The following PRELID2 variants were observed in gnomAD, a reference collection of about 807,000 sequenced individuals.
PRELID2 encodes PRELI domain containing 2, also known as PRELI domain-containing protein 2.
A neutral mutation model predicts 28.4 loss-of-function variants in PRELID2; 25 were observed. The ratio of observed to expected loss-of-function variants is 0.88; its 90% confidence interval spans 0.64 to 1.23. The LOEUF (loss-of-function observed/expected upper bound fraction) is 1.23. Among genes scored for constraint, PRELID2 ranks in the 50% most tolerant of loss-of-function variants. The pLI is 0.00. For missense variants in PRELID2, 201 were observed against 214.4 expected (o/e 0.94, Z 0.39); for synonymous variants, 76 against 71.6 (o/e 1.06, Z -0.31).
intron 1 of PRELID2, among the ~76,000 whole-genome samples, chr5:145,600,565 G>T (rs1753382197): frequency 6.6e-6 from 1 of 151,668 alleles, no homozygotes; most frequent in African/African-American, 2.4e-5. Context: ...GGAATAGAGT[G>T]ATCACTGCTC....
chr5:145,537,798 T>C (rs1193280953), intron 1 of PRELID2, among the ~76,000 whole-genome samples: 2 of 151,890 alleles, frequency 1.3e-5, no homozygotes, highest in Non-Finnish European at 2.9e-5. Context: ...TGTCTCTTAA[T>C]TCTGTTAATA....
At chr5:145,485,128 A>T (rs1752204464) in intron 1 of PRELID2, among the ~76,000 whole-genome samples, 1 of 152,224 alleles carries the variant, frequency 6.6e-6, no homozygotes, top group Non-Finnish European at 1.5e-5. Flanking sequence ...ACATGCTACA[A>T]GATAATAAAA....
chr5:145,681,647 A>T (rs1360547818), intron 1 of PRELID2, among the ~76,000 whole-genome samples: 1 of 152,170 alleles, frequency 6.6e-6, no homozygotes, highest in Non-Finnish European at 1.5e-5. Context: ...GCACACCATA[A>T]ACGGTAGCTA....
the PRELID2 span, among the ~76,000 whole-genome samples, chr5:145,388,245 A>G: frequency 6.6e-6 from 1 of 152,174 alleles, no homozygotes; most frequent in Non-Finnish European, 1.5e-5. Flanking sequence ...TTTAAAACAT[A>G]AAAGTCAAAA....
At chr5:145,265,610 T>C in the PRELID2 span, among the ~76,000 whole-genome samples, 1 of 152,122 alleles carries the variant, frequency 6.6e-6, no homozygotes, top group Non-Finnish European at 1.5e-5. Context: ...GGTATTGGTA[T>C]AAAAATAGGC....
chr5:145,605,619 T>C (rs1179165062), intron 1 of PRELID2, among the ~76,000 whole-genome samples: 2 of 152,138 alleles, frequency 1.3e-5, no homozygotes, highest in Non-Finnish European at 2.9e-5. Context: ...TGGCTCTAGC[T>C]TTGTTCTTTT....
chr5:145,414,437 C>T, the PRELID2 span, among the ~76,000 whole-genome samples: 23 of 152,258 alleles, frequency 1.5e-4, no homozygotes, highest in African/African-American at 4.3e-4. Context: ...GTAATAGAAC[C>T]CCTCAGAACG....
chr5:145,524,013 T>C (rs1054059639), intron 1 of PRELID2, among the ~76,000 whole-genome samples: 2 of 152,194 alleles, frequency 1.3e-5, no homozygotes, highest in Non-Finnish European at 2.9e-5. Context: ...AAATCTGTGC[T>C]GCTTCTCAAA....
the PRELID2 span, among the ~76,000 whole-genome samples, chr5:145,391,496 G>A: frequency 2.0e-5 from 3 of 152,170 alleles, no homozygotes; most frequent in African/African-American, 7.2e-5. Context: ...CAGAAGGATC[G>A]CATGGCCTGG....
the PRELID2 span, among the ~76,000 whole-genome samples, chr5:145,389,289 A>G: frequency 6.6e-6 from 1 of 152,126 alleles, no homozygotes; most frequent in East Asian, 1.9e-4. Flanking sequence ...TGGAAGAGAA[A>G]TACAAACAGA....
the PRELID2 span, among the ~76,000 whole-genome samples, chr5:145,320,361 CA>C: frequency 6.6e-6 from 1 of 151,802 alleles, no homozygotes; most frequent in South Asian, 2.1e-4. Flanking sequence ...AGCTCCGCCT[CA>C]CCGCTTCACG....
intron 1 of PRELID2, among the ~76,000 whole-genome samples, chr5:145,726,162 C>T (rs114108534): frequency 0.025 from 3,503 of 137,656 alleles, 131 homozygotes; most frequent in African/African-American, 0.088. Context: ...GAGCAAGACA[C>T]TATCTCAGAA....
chr5:145,580,303 C>T (rs1268106716), intron 1 of PRELID2, among the ~76,000 whole-genome samples: 1 of 152,008 alleles, frequency 6.6e-6, no homozygotes, highest in Non-Finnish European at 1.5e-5. Context: ...ACAGAAGCCA[C>T]CCCCTAATAT....
chr5:145,467,786 G>A (rs530859656), downstream of PRELID2, among the ~76,000 whole-genome samples: 3 of 150,980 alleles, frequency 2.0e-5, no homozygotes, highest in African/African-American at 7.3e-5. Context: ...TTGGCTTACA[G>A]GTGGTATCAA....
chr5:145,380,558 C>T, the PRELID2 span, among the ~76,000 whole-genome samples: 2 of 152,180 alleles, frequency 1.3e-5, no homozygotes, highest in African/African-American at 2.4e-5. Context: ...TAAATCAGCA[C>T]TTCTGATTTT....
chr5:145,483,644 A>G (rs1752186596), intron 1 of PRELID2, among the ~76,000 whole-genome samples: 1 of 152,222 alleles, frequency 6.6e-6, no homozygotes, highest in Non-Finnish European at 1.5e-5. Flanking sequence ...CCAACAAGTG[A>G]TAGAGCCAGG....
At chr5:145,694,424 A>G (rs1008861198) in intron 1 of PRELID2, among the ~76,000 whole-genome samples, 6 of 152,060 alleles carry the variant, frequency 3.9e-5, no homozygotes, top group African/African-American at 1.5e-4. Flanking sequence ...TGTTAATGAA[A>G]TTTATTTTTC....
At chr5:145,468,841 A>G (rs537912024), downstream of PRELID2, among the ~76,000 whole-genome samples, 17 of 152,282 alleles carry the variant, frequency 1.1e-4, no homozygotes, top group East Asian at 3.1e-3. Flanking sequence ...GTAGATTGCA[A>G]AAATTTTCTC....
chr5:145,266,806 A>G, the PRELID2 span, among the ~76,000 whole-genome samples: 1 of 152,114 alleles, frequency 6.6e-6, no homozygotes, highest in African/African-American at 2.4e-5. Flanking sequence ...CCATCAATCA[A>G]TGAGTGGATA....
Sources: gnomAD v4.1 joint callset for allele counts (sites outside exome capture counted in the v4.1 genomes callset) on GRCh38, gnomAD v4.1.1 for gene constraint, MANE v1.5 for transcripts, NCBI Gene and HGNC (gene_info 2026-07-23, HGNC 2026-07-21) for gene names.